The following IDE variants were observed in gnomAD, a reference collection of about 807,000 sequenced individuals.
The protein encoded by IDE is insulin-degrading enzyme.
Under a neutral mutation model 133.2 loss-of-function variants are expected in IDE, and 58 were observed. The observed-to-expected ratio is 0.44, with a 90% CI of 0.35 to 0.54. The LOEUF is 0.54. Among genes scored for constraint, IDE ranks in the 20% least tolerant of loss-of-function variants. The pLI is 0.00. For missense variants in IDE, 981 were observed against 1,234.0 expected, an observed-to-expected ratio of 0.79 and a Z score of 3.07; for synonymous variants, 396 against 421.3, an observed-to-expected ratio of 0.94 and a Z score of 0.73.
chr10:92,509,035 G>A (rs559974388), intron 6 of IDE, 145 bp from the exon 7 acceptor site: 2 of 628,878 alleles, frequency 3.2e-6, no homozygotes, highest in African/African-American at 3.7e-5. Context: ...TGACCACAAA[G>A]AAATAAATGA....
intron 1 of IDE, chr10:92,573,281 G>A (rs1327221202): frequency 1.1e-5 from 7 of 644,076 alleles, no homozygotes; most frequent in Non-Finnish European, 1.4e-5. Context: ...CCATCTCTCG[G>A]AGCTCCGGTT....
chr10:92,569,335 T>C (rs1247918128), intron 1 of IDE, among the ~76,000 whole-genome samples: 1 of 152,246 alleles, frequency 6.6e-6, no homozygotes, highest in Non-Finnish European at 1.5e-5. Flanking sequence ...TGGTGATATT[T>C]AGGCGAGACA....
At position 92,514,920 on chromosome 10, in the gene IDE, C is replaced by T. The variant is rs1398827931; in HGVS notation, c.784G>A (p.Glu262Lys). 8 of 1,609,428 alleles carry T rather than the reference C, an allele frequency of 5.0e-6. No individual in the cohort carries two copies. Among genetic ancestry groups the T allele is most frequent in the Non-Finnish European group, 6.8e-6 (8 of 1,178,146 alleles). Residue 262 changes from glutamate (E) to lysine (K), a missense_variant and splice_region_variant, in exon 5 of 25, where the codon GAA becomes AAA. Glu to Lys is a moderately conservative substitution (Grantham distance 56). Transcript: ENST00000265986. ...NLMAVCVLGR[E>K]SLDDLTNLVV... ...TATAAAAAATTGTAAGGGTTCTTACCTCGACCTAAAACACAAACAGCCATT... is the reference window on the plus strand; with the variant it reads ...TATAAAAAATTGTAAGGGTTCTTACTTCGACCTAAAACACAAACAGCCATT...
chr10:92,455,770 G>T, intron 23 of IDE, 127 bp from the exon 24 acceptor site: 1 of 611,920 alleles, frequency 1.6e-6, no homozygotes. Flanking sequence ...GTACTTCTCA[G>T]ATCCTCTAAA....
chr10:92,508,609 A>T, intron 7 of IDE, 119 bp downstream of exon 7: 1 of 864,264 alleles, frequency 1.2e-6, no homozygotes, highest in Non-Finnish European at 1.8e-6. Context: ...CATCTCACTC[A>T]CTAACCCAAA....
intron 12 of IDE, 40 bp from the exon 13 acceptor site, chr10:92,487,358 G>T: frequency 6.4e-7 from 1 of 1,568,464 alleles, no homozygotes; most frequent in South Asian, 1.2e-5. Context: ...GTAAGAGTCT[G>T]ATTTAAGAGT....
chr10:92,475,181 A>G (rs1846190031), intron 16 of IDE, among the ~76,000 whole-genome samples: 1 of 152,228 alleles, frequency 6.6e-6, no homozygotes, highest in Non-Finnish European at 1.5e-5. Flanking sequence ...TTTGTTCAGC[A>G]TCTGACATGG....
chr10:92,497,186 C>G (rs993435520), intron 11 of IDE, among the ~76,000 whole-genome samples: 3 of 152,164 alleles, frequency 2.0e-5, no homozygotes, highest in Non-Finnish European at 2.9e-5. Context: ...CTATAGCTGT[C>G]TTTGTAGATT....
At chr10:92,561,556 A>G (rs971459398) in intron 1 of IDE, among the ~76,000 whole-genome samples, 4 of 151,524 alleles carry the variant, frequency 2.6e-5, no homozygotes, top group African/African-American at 7.3e-5. Flanking sequence ...GTTCAAGACC[A>G]TCCTGGCTAA....
At chr10:92,547,117 C>A (rs1238624918) in intron 1 of IDE, among the ~76,000 whole-genome samples, 1 of 152,076 alleles carries the variant, frequency 6.6e-6, no homozygotes, top group East Asian at 1.9e-4. Flanking sequence ...GGTCTCACTC[C>A]CAGCGCCCAG....
Position 92,531,899 on chromosome 10 carries a change from C to A in IDE, c.510G>T (p.Leu170=). The stretch of plus-strand genomic sequence containing the variant: ...TGCAACTTTCATCGAACAAGGGGCA[C>A]AGAAAAAACTGTGCAAACCTAAGGG... The part of the protein sequence containing the change: ...GALDRFAQFF[L]CPLFDESCKD... Residue 170 remains leucine (L), a synonymous_variant, in exon 4 of 25, where the codon CTG becomes CTT. Coordinates refer to ENST00000265986, the MANE Select transcript of IDE (RefSeq NM_004969.4). The A allele has an allele frequency of 6.4e-7, 1 of 1,552,318 alleles. No homozygotes were observed. Among genetic ancestry groups the A allele is most frequent in the South Asian group, 1.2e-5 (1 of 80,854 alleles).
chr10:92,499,942 C>T (rs7097800), intron 11 of IDE, among the ~76,000 whole-genome samples: 25,918 of 152,062 alleles, frequency 0.17, 2,515 homozygotes, highest in African/African-American at 0.25. Flanking sequence ...GCTAGTAGAA[C>T]AGCACCATTT....
In IDE at chr10:92,507,685, CT is replaced by C; in HGVS notation, c.1154-20del. On this transcript the variant is annotated intron_variant, in intron 8 of 24. Coordinates refer to ENST00000265986, the MANE Select transcript of IDE (RefSeq NM_004969.4). ...ACATGTACTGGAAAAAAGGGGCACA[CT>C]TAAAAACCATTCAGTCCTTGAATCC... 1 of 1,317,388 alleles carries C rather than the reference CT, an allele frequency of 7.6e-7. No individual in the cohort carries two copies. 81.6% of individuals were successfully genotyped at this position (1,317,388 alleles called of 1,614,324 possible). A position where few individuals can be genotyped will look rare whatever the true frequency, so the allele number is the denominator to read the frequency against.
chr10:92,461,204 A>G lies in IDE; in HGVS notation c.2810T>C (p.Ile937Thr). Residue 937 changes from isoleucine to threonine, a missense_variant, in exon 22 of 25, where the codon ATC (isoleucine) becomes ACC (threonine). Coordinates refer to ENST00000265986, the MANE Select transcript of IDE (RefSeq NM_004969.4). ...YLKTLTKEDIIKFYKEMLAVD... is the reference protein window; with the variant it reads ...YLKTLTKEDITKFYKEMLAVD... ...AATTTGACTTACCTTGTAGAATTTGATGATATCTTCCTTGGTAAGTGTCTT... is the reference window on the plus strand; with the variant it reads ...AATTTGACTTACCTTGTAGAATTTGGTGATATCTTCCTTGGTAAGTGTCTT... 2 of 1,418,178 alleles carry G rather than the reference A, an allele frequency of 1.4e-6. No homozygotes were observed. Among genetic ancestry groups the G allele is most frequent in the South Asian group, 1.2e-5 (1 of 86,576 alleles). 87.8% of individuals were successfully genotyped at this position (1,418,178 alleles called of 1,614,324 possible).
intron 2 of IDE, 116 bp downstream of exon 2, chr10:92,537,249 TA>T: frequency 1.4e-6 from 1 of 695,602 alleles, no homozygotes; most frequent in Non-Finnish European, 2.3e-6. Context: ...TGGTATAAAA[TA>T]AGGTACATGG....
chr10:92,555,021 T>G (rs567390982), intron 1 of IDE: 14 of 152,254 alleles, frequency 9.2e-5, no homozygotes, highest in African/African-American at 3.4e-4. Context: ...AAGGAATACC[T>G]CCATTGTGTA....
chr10:92,552,843 G>C (rs1842843480), intron 1 of IDE, among the ~76,000 whole-genome samples: 1 of 49,768 alleles, frequency 2.0e-5, no homozygotes, highest in African/African-American at 1.3e-4. Flanking sequence ...GGGTGACAGA[G>C]TAAGACTCAG....
chr10:92,501,910 G>A (rs1390438316), intron 11 of IDE, among the ~76,000 whole-genome samples: 2 of 152,120 alleles, frequency 1.3e-5, no homozygotes, highest in Non-Finnish European at 2.9e-5. Flanking sequence ...GGGAGGCGGA[G>A]GTTGCAGTAA....
intron 4 of IDE, among the ~76,000 whole-genome samples, chr10:92,516,109 C>A (rs1048826880): frequency 6.6e-6 from 1 of 150,850 alleles, no homozygotes; most frequent in East Asian, 2.0e-4. Context: ...GCAGAAGTTG[C>A]GGTGAGCCGA....
Sources: allele counts gnomAD v4.1 joint callset (sites outside exome capture counted in the v4.1 genomes callset), GRCh38; gene constraint gnomAD v4.1.1; transcripts MANE v1.5; gene names NCBI Gene and HGNC (gene_info 2026-07-23, HGNC 2026-07-21).